LRGUK: variants seen among roughly 807,000 people sequenced by gnomAD.
LRGUK encodes leucine rich repeats and guanylate kinase domain containing, also known as leucine-rich repeat and guanylate kinase domain-containing protein.
LRGUK carries 65 observed loss-of-function variants against 76.0 expected under a neutral mutation model. The observed-to-expected ratio is 0.85, with a 90% CI of 0.70 to 1.05. The LOEUF is 1.05. Among genes scored for constraint, LRGUK ranks in the 50% least tolerant of loss-of-function variants. The probability of loss-of-function intolerance (pLI) is 0.00; values close to 1 mark genes in which losing one functional copy is unlikely to be tolerated. For synonymous variants in LRGUK, 268 were observed against 265.6 expected (o/e 1.01, Z -0.09); for missense variants, 758 against 732.8 (o/e 1.03, Z -0.40).
chr7:134,258,870 A>T lies in LRGUK; in HGVS notation c.2347+465A>T, dbSNP rs970160811. Among the ~76,000 whole-genome samples, 18 of 152,120 alleles carry T rather than the reference A, an allele frequency of 1.2e-4. 1 individual carries two copies. The highest frequency in any genetic ancestry group is 4.3e-4 in the African/African-American group (18 of 41,412). On this transcript the variant is annotated intron_variant, in intron 19 of 19. Coordinates refer to the LRGUK transcript ENST00000285928. ...AAGGTAGCGTGTTATTTTGTTGCCC[A>T]TTGTTATAGGTGAAAAACAAAGTTG... is the stretch of plus-strand genomic sequence containing the variant.
At chr7:134,195,003 A>C (rs1459702035) in intron 12 of LRGUK, among the ~76,000 whole-genome samples, 1 of 152,198 alleles carries the variant, frequency 6.6e-6, no homozygotes, top group Non-Finnish European at 1.5e-5. Context: ...TTTAAGGACA[A>C]CTTAGTGGGT....
At chr7:134,174,163 G>C (rs1799383507) in intron 7 of LRGUK, among the ~76,000 whole-genome samples, 1 of 151,928 alleles carries the variant, frequency 6.6e-6, no homozygotes, top group African/African-American at 2.4e-5. Context: ...ACAGAAGCAG[G>C]ATTGGGGAAG....
intron 5 of LRGUK, 112 bp from the exon 6 acceptor site, chr7:134,157,923 G>T (rs543604903): frequency 2.5e-6 from 2 of 798,026 alleles, no homozygotes; most frequent in South Asian, 2.1e-5. Flanking sequence ...GCATATAATC[G>T]TTCTTTATTT....
At chr7:134,274,452 C>A in the LRGUK span, among the ~76,000 whole-genome samples, 1 of 152,102 alleles carries the variant, frequency 6.6e-6, no homozygotes, top group African/African-American at 2.4e-5. Context: ...AAAAGAAAAT[C>A]TGTGATATAA....
At chr7:134,190,500 G>A (rs1042329610) in intron 11 of LRGUK, among the ~76,000 whole-genome samples, 2 of 152,180 alleles carry the variant, frequency 1.3e-5, no homozygotes, top group African/African-American at 4.8e-5. Context: ...AAGCTACTGT[G>A]CCTGGCTCTC....
chr7:134,213,490 T>C (rs1374967600), downstream of LRGUK, among the ~76,000 whole-genome samples: 30 of 152,194 alleles, frequency 2.0e-4, no homozygotes, highest in Admixed American at 2.0e-3. Flanking sequence ...TGTGGGGCAC[T>C]TTAGAGTTGT....
At chr7:134,153,110 A>G (rs531691299) in intron 5 of LRGUK, among the ~76,000 whole-genome samples, 1 of 152,094 alleles carries the variant, frequency 6.6e-6, no homozygotes, top group Non-Finnish European at 1.5e-5. Context: ...TCAGTCAAGC[A>G]TAGGTCAATG....
At chr7:134,215,433 C>T (rs1801410904) in intron 15 of LRGUK, among the ~76,000 whole-genome samples, 1 of 152,072 alleles carries the variant, frequency 6.6e-6, no homozygotes, top group Admixed American at 6.6e-5. Context: ...TACCAGACTT[C>T]CCCCCAGCTC....
intron 6 of LRGUK, among the ~76,000 whole-genome samples, chr7:134,159,009 C>A (rs1458163451): frequency 6.6e-6 from 1 of 152,098 alleles, no homozygotes; most frequent in African/African-American, 2.4e-5. Context: ...CTTACAAGAA[C>A]TATCCCACAG....
intron 18 of LRGUK, among the ~76,000 whole-genome samples, chr7:134,250,060 T>A (rs1348003615): frequency 6.6e-6 from 1 of 152,054 alleles, no homozygotes; most frequent in Non-Finnish European, 1.5e-5. Flanking sequence ...AGTGGAAAAC[T>A]CTTCAGAAGG....
chr7:134,196,048 C>T (rs966610883), intron 12 of LRGUK, among the ~76,000 whole-genome samples: 2 of 152,090 alleles, frequency 1.3e-5, no homozygotes, highest in Non-Finnish European at 2.9e-5. Flanking sequence ...TAGCAATAGA[C>T]CCAACTGCTG....
the LRGUK span, among the ~76,000 whole-genome samples, chr7:134,274,865 C>T: frequency 2.0e-5 from 3 of 152,080 alleles, no homozygotes; most frequent in Non-Finnish European, 4.4e-5. Flanking sequence ...AGTTTGGTCT[C>T]ACTCTTGATC....
At chr7:134,268,686 C>G (rs1034370010), downstream of LRGUK, among the ~76,000 whole-genome samples, 3 of 141,214 alleles carry the variant, frequency 2.1e-5, no homozygotes, top group Admixed American at 7.2e-5. Flanking sequence ...AATAAAACTA[C>G]AAACCAATAT....
intron 10 of LRGUK, among the ~76,000 whole-genome samples, chr7:134,181,333 C>A (rs772139841): frequency 6.6e-6 from 1 of 151,462 alleles, no homozygotes; most frequent in Non-Finnish European, 1.5e-5. Context: ...ACTCCATTGT[C>A]TTTTGGCATA....
At chr7:134,148,534 A>C (rs1422597974) in intron 5 of LRGUK, among the ~76,000 whole-genome samples, 7 of 152,218 alleles carry the variant, frequency 4.6e-5, no homozygotes, top group Non-Finnish European at 1.5e-5. Flanking sequence ...GCTTGTCAAG[A>C]GTATCTTACC....
At chr7:134,129,701 C>T (rs1463746584) in intron 1 of LRGUK, among the ~76,000 whole-genome samples, 1 of 151,524 alleles carries the variant, frequency 6.6e-6, no homozygotes, top group Non-Finnish European at 1.5e-5. Flanking sequence ...TCTTGATCTC[C>T]TGGGCTCAAG....
intron 5 of LRGUK, among the ~76,000 whole-genome samples, chr7:134,157,449 T>C (rs7804212): frequency 0.13 from 19,785 of 152,272 alleles, 1,632 homozygotes; most frequent in East Asian, 0.33. Context: ...ACACTGCCAA[T>C]GAGGCAGCTA....
chr7:134,164,148 T>C (rs989006471), intron 7 of LRGUK, among the ~76,000 whole-genome samples: 20 of 152,244 alleles, frequency 1.3e-4, no homozygotes, highest in Admixed American at 9.2e-4. Context: ...ATTTCTTAAA[T>C]AGCTAGATTT....
At chr7:134,160,583 C>G (rs747428182) in intron 6 of LRGUK, among the ~76,000 whole-genome samples, 4 of 152,124 alleles carry the variant, frequency 2.6e-5, no homozygotes, top group African/African-American at 9.7e-5. Context: ...GAACAATTCA[C>G]CATATGAACC....
Sources: allele counts gnomAD v4.1 joint callset (sites outside exome capture counted in the v4.1 genomes callset), GRCh38; gene constraint gnomAD v4.1.1; transcripts MANE v1.5; gene names NCBI Gene and HGNC (gene_info 2026-07-23, HGNC 2026-07-21).